The following PKNOX2 variants were observed in gnomAD, a reference collection of about 807,000 sequenced individuals.
PKNOX2 encodes the protein homeobox protein PKNOX2.
A neutral mutation model predicts 53.1 loss-of-function variants in PKNOX2; 14 were observed. The observed-to-expected ratio is 0.26, with a 90% CI of 0.17 to 0.41. PKNOX2 has a LOEUF of 0.41. Among genes scored for constraint, PKNOX2 ranks in the 10% least tolerant of loss-of-function variants. The pLI, the probability that PKNOX2 is intolerant of heterozygous loss-of-function variation, is 1.00. For synonymous variants in PKNOX2, 257 were observed against 242.8 expected (o/e 1.06, Z -0.54); for missense variants, 496 against 602.8 (o/e 0.82, Z 1.85).
At chr11:125,378,634 C>T (rs955255889) in intron 5 of PKNOX2, among the ~76,000 whole-genome samples, 2 of 152,202 alleles carry the variant, frequency 1.3e-5, no homozygotes, top group African/African-American at 4.8e-5. Flanking sequence ...CCCAGGCAGG[C>T]AGCCACACAC....
At chr11:125,401,577 T>A (rs779945249) in intron 7 of PKNOX2, among the ~76,000 whole-genome samples, 17 of 152,064 alleles carry the variant, frequency 1.1e-4, no homozygotes, top group Non-Finnish European at 2.1e-4. Context: ...CACTCACACG[T>A]CTCTTAAGCC....
chr11:125,329,312 A>G (rs1011701094), intron 2 of PKNOX2, among the ~76,000 whole-genome samples: 1 of 152,240 alleles, frequency 6.6e-6, no homozygotes, highest in Non-Finnish European at 1.5e-5. Flanking sequence ...TTATATTTGT[A>G]TTGTAGGATT....
At position 125,265,253 on chromosome 11, in the gene PKNOX2, C is replaced by G. The variant is rs368662691; in HGVS notation, c.-130+30138C>G. Among the ~76,000 whole-genome samples, 9 of 151,778 alleles carry G rather than the reference C, an allele frequency of 5.9e-5. No individual in the cohort carries two copies. In the East Asian group the frequency reaches 1.2e-3, roughly 20 times the overall value. On this transcript the variant is annotated intron_variant, in intron 2 of 12. Coordinates refer to ENST00000298282, the MANE Select transcript of PKNOX2 (RefSeq NM_001382323.2). ...AGTGGGCCGAGATCGCACCATTGTA[C>G]TCCACCCTGAGCAACAGAGCGAGAC...
intron 2 of PKNOX2, among the ~76,000 whole-genome samples, chr11:125,314,371 AG>A (rs1026286171): frequency 2.4e-4 from 35 of 146,540 alleles, no homozygotes; most frequent in African/African-American, 8.4e-4. Flanking sequence ...GTTGGGAGCC[AG>A]GGTGGGTCAG....
Position 125,423,674 on chromosome 11 carries a change from G to A in PKNOX2, c.937-5338G>A, listed in dbSNP as rs1956276397. Among the ~76,000 whole-genome samples the A allele has an allele frequency of 2.0e-5, 3 of 152,176 alleles. 1 individual carries two copies. Among genetic ancestry groups the A allele is most frequent in the Admixed American group, 1.3e-4 (2 of 15,286 alleles). On this transcript the variant is annotated intron_variant, in intron 10 of 12. Coordinates refer to ENST00000298282, the MANE Select transcript of PKNOX2 (RefSeq NM_001382323.2). ...ACACTTGCAGCCTGCCCCTTGGGGT[G>A]ACAGGTAGCTACACAGACCCAAAGC...
intron 2 of PKNOX2, among the ~76,000 whole-genome samples, chr11:125,266,295 C>A (rs1376515260): frequency 6.6e-6 from 1 of 152,154 alleles, no homozygotes; most frequent in Non-Finnish European, 1.5e-5. Flanking sequence ...GTCACACGGC[C>A]AGTCACCCCC....
chr11:125,236,379 G>T (rs1682290961), intron 2 of PKNOX2, among the ~76,000 whole-genome samples: 1 of 137,090 alleles, frequency 7.3e-6, no homozygotes, highest in African/African-American at 2.6e-5. Flanking sequence ...CTGCCTAGGA[G>T]GTGGGGCGGG....
intron 2 of PKNOX2, among the ~76,000 whole-genome samples, chr11:125,289,661 A>G (rs112966712): frequency 9.2e-5 from 14 of 152,188 alleles, no homozygotes; most frequent in African/African-American, 3.1e-4. Flanking sequence ...GGAAGAGATC[A>G]CTCCTAAAAA....
intron 1 of PKNOX2, among the ~76,000 whole-genome samples, chr11:125,200,960 C>T (rs1177419299): frequency 3.3e-5 from 5 of 152,200 alleles, no homozygotes; most frequent in African/African-American, 1.2e-4. Flanking sequence ...CATCGAGGGA[C>T]TTGGTAAAGC....
intron 1 of PKNOX2, among the ~76,000 whole-genome samples, chr11:125,193,788 C>G (rs1957013120): frequency 1.3e-5 from 2 of 152,130 alleles, no homozygotes. Context: ...CGGTTGGGGG[C>G]AGGCATAGGA....
chr11:125,238,988 T>C (rs1048242542), intron 2 of PKNOX2, among the ~76,000 whole-genome samples: 2 of 152,180 alleles, frequency 1.3e-5, no homozygotes, highest in East Asian at 1.9e-4. Flanking sequence ...AGGACTGCTA[T>C]GAGGACTCAC....
At chr11:125,372,219 C>G (rs981660239) in intron 5 of PKNOX2, among the ~76,000 whole-genome samples, 12 of 152,192 alleles carry the variant, frequency 7.9e-5, no homozygotes, top group African/African-American at 2.9e-4. Flanking sequence ...CGATTCGTAG[C>G]ATTTGCTGAT....
At chr11:125,287,351 C>T (rs1946971445) in intron 2 of PKNOX2, among the ~76,000 whole-genome samples, 1 of 152,194 alleles carries the variant, frequency 6.6e-6, no homozygotes, top group East Asian at 1.9e-4. Context: ...AACCCCAGCT[C>T]CACTAGCCTG....
At chr11:125,429,702 C>T (rs1218171690) in intron 11 of PKNOX2, among the ~76,000 whole-genome samples, 1 of 152,158 alleles carries the variant, frequency 6.6e-6, no homozygotes, top group Non-Finnish European at 1.5e-5. Flanking sequence ...TCTCCTCCTC[C>T]GTTCAACCTG....
intron 1 of PKNOX2, among the ~76,000 whole-genome samples, chr11:125,208,647 T>C (rs907377350): frequency 6.6e-6 from 1 of 151,922 alleles, no homozygotes; most frequent in Non-Finnish European, 1.5e-5. Context: ...TGTGCCTGTG[T>C]GGGAATGTGT....
chr11:125,427,741 G>A (rs1271974029), intron 10 of PKNOX2, among the ~76,000 whole-genome samples: 5 of 152,102 alleles, frequency 3.3e-5, no homozygotes, highest in African/African-American at 4.8e-5. Flanking sequence ...TTTAGCCTGA[G>A]GATGCTGGAT....
chr11:125,311,453 A>G (rs1440844802), intron 2 of PKNOX2, among the ~76,000 whole-genome samples: 1 of 152,168 alleles, frequency 6.6e-6, no homozygotes, highest in Non-Finnish European at 1.5e-5. Flanking sequence ...CTATAGCCCT[A>G]GGTAGAAGGG....
chr11:125,315,481 C>G (rs2136033785), intron 2 of PKNOX2, among the ~76,000 whole-genome samples: 1 of 152,242 alleles, frequency 6.6e-6, no homozygotes, highest in East Asian at 1.9e-4. Flanking sequence ...GCAGAGAGGC[C>G]TTCTCACAGG....
chr11:125,175,488 C>A (rs1308716246), intron 1 of PKNOX2, among the ~76,000 whole-genome samples: 2 of 152,190 alleles, frequency 1.3e-5, no homozygotes, highest in African/African-American at 2.4e-5. Context: ...GGTAGCTGTG[C>A]AGGACCTCCA....
Sources: gnomAD v4.1 joint callset for allele counts (sites outside exome capture counted in the v4.1 genomes callset) on GRCh38, gnomAD v4.1.1 for gene constraint, MANE v1.5 for transcripts, NCBI Gene and HGNC (gene_info 2026-07-23, HGNC 2026-07-21) for gene names.